RALGAPA1: variants seen among roughly 807,000 people sequenced by gnomAD.
The protein encoded by RALGAPA1 is ral GTPase-activating protein subunit alpha-1.
In RALGAPA1, 52 loss-of-function variants were observed where a neutral mutation model predicts 269.6. The observed-to-expected ratio is 0.19, with a 90% CI of 0.15 to 0.24. RALGAPA1 has a LOEUF of 0.24. RALGAPA1 is among the 10% of genes least tolerant of loss of function. The pLI is 1.00. For missense variants in RALGAPA1, 1,917 were observed against 3,013.9 expected, an observed-to-expected ratio of 0.64 and a Z score of 8.52; for synonymous variants, 817 against 1,008.3, an observed-to-expected ratio of 0.81 and a Z score of 3.60.
chr14:35,698,951 T>G (rs1347128474), intron 17 of RALGAPA1, among the ~76,000 whole-genome samples: 1 of 152,208 alleles, frequency 6.6e-6, no homozygotes, highest in East Asian at 1.9e-4. Context: ...CTATTAAAAT[T>G]TATATTATTA....
At chr14:35,650,312 G>C (rs1012432060) in intron 31 of RALGAPA1, among the ~76,000 whole-genome samples, 7 of 152,068 alleles carry the variant, frequency 4.6e-5, no homozygotes, top group Admixed American at 3.9e-4. Context: ...TTGAACCTGG[G>C]AGGCAGAGGT....
intron 22 of RALGAPA1, among the ~76,000 whole-genome samples, chr14:35,675,772 C>CAATA (rs1298350356): frequency 6.6e-6 from 1 of 151,942 alleles, no homozygotes; most frequent in African/African-American, 2.4e-5. Flanking sequence ...ATTAAAAAGA[C>CAATA]AATAAAGATA....
intron 16 of RALGAPA1, among the ~76,000 whole-genome samples, chr14:35,717,348 A>G (rs535304042): frequency 6.6e-6 from 1 of 152,216 alleles, no homozygotes; most frequent in South Asian, 2.1e-4. Flanking sequence ...ATGGGATTTC[A>G]CCATATTAGC....
chr14:35,784,408 C>A (rs1194409728), intron 1 of RALGAPA1, among the ~76,000 whole-genome samples: 1 of 152,130 alleles, frequency 6.6e-6, no homozygotes, highest in Non-Finnish European at 1.5e-5. Flanking sequence ...ATGAAACATG[C>A]AGAAGAGTCA....
chr14:35,702,652 C>G (rs1477482556), intron 16 of RALGAPA1, among the ~76,000 whole-genome samples: 4 of 150,616 alleles, frequency 2.7e-5, no homozygotes, highest in African/African-American at 7.3e-5. Context: ...AATACATATG[C>G]AAATCTTAAA....
At position 35,723,024 on chromosome 14, in the gene RALGAPA1, T is replaced by C. The variant is rs773021579; in HGVS notation, c.2104+3A>G. 1.2e-5 allele frequency: 19 copies of C among 1,585,252 alleles called. No individual in the cohort carries two copies. The highest frequency in any genetic ancestry group is 1.7e-4 in the Middle Eastern group (1 of 5,994). ...ATAGAGCATCTCTATGAACAATTCTTACCTTTCCCTTTGTGCTTTTTTTGT... is the reference window on the plus strand; with the variant it reads ...ATAGAGCATCTCTATGAACAATTCTCACCTTTCCCTTTGTGCTTTTTTTGT... On this transcript the variant is annotated splice_donor_region_variant and intron_variant, in intron 15 of 41. Coordinates refer to ENST00000680220, the MANE Select transcript of RALGAPA1 (RefSeq NM_001346249.2).
intron 39 of RALGAPA1, among the ~76,000 whole-genome samples, chr14:35,565,147 G>A (rs564895767): frequency 2.0e-4 from 30 of 151,916 alleles, no homozygotes; most frequent in African/African-American, 7.0e-4. Context: ...TAGTTAAACT[G>A]TAATAATTCA....
intron 39 of RALGAPA1, chr14:35,564,340 T>C (rs1185827600): frequency 1.3e-5 from 2 of 152,202 alleles, no homozygotes; most frequent in African/African-American, 4.8e-5. Context: ...TCTTCTAACG[T>C]GAAATGGCAA....
chr14:35,583,221 A>T (rs2058065429), intron 37 of RALGAPA1, among the ~76,000 whole-genome samples: 1 of 152,240 alleles, frequency 6.6e-6, no homozygotes. Flanking sequence ...ACAACATTTA[A>T]GAACAGATGG....
chr14:35,805,926 G>T (rs895973229), intron 1 of RALGAPA1, among the ~76,000 whole-genome samples: 3 of 151,906 alleles, frequency 2.0e-5, no homozygotes, highest in Non-Finnish European at 4.4e-5. Flanking sequence ...CTGACCTCGT[G>T]ATCCGCCCAC....
chr14:35,796,561 A>C (rs1276018372), intron 1 of RALGAPA1, among the ~76,000 whole-genome samples: 3 of 152,322 alleles, frequency 2.0e-5, no homozygotes, highest in African/African-American at 7.2e-5. Flanking sequence ...AAATATGAAA[A>C]ATAACTAACC....
At chr14:35,553,383 A>G (rs2055211832) in intron 39 of RALGAPA1, among the ~76,000 whole-genome samples, 1 of 152,218 alleles carries the variant, frequency 6.6e-6, no homozygotes, top group South Asian at 2.1e-4. Context: ...AGGACAAAAG[A>G]TACTGCAGAA....
intron 7 of RALGAPA1, 51 bp downstream of exon 7, chr14:35,756,742 T>C (rs1221186203): frequency 8.1e-7 from 1 of 1,230,604 alleles, no homozygotes; most frequent in Admixed American, 1.9e-5. Context: ...GAAAAGGGAA[T>C]CACCCACATA....
chr14:35,780,015 CAT>C (rs1450944849), intron 1 of RALGAPA1, among the ~76,000 whole-genome samples: 2 of 151,468 alleles, frequency 1.3e-5, no homozygotes, highest in African/African-American at 4.9e-5. Flanking sequence ...GCTGAAGCAG[CAT>C]AATCGCTTGA....
chr14:35,630,557 C>T (rs1334248204), intron 33 of RALGAPA1, among the ~76,000 whole-genome samples: 7 of 151,316 alleles, frequency 4.6e-5, no homozygotes, highest in African/African-American at 1.5e-4. Flanking sequence ...GCTGGGATTA[C>T]AAGTGTGAGT....
intron 27 of RALGAPA1, among the ~76,000 whole-genome samples, chr14:35,660,442 T>A (rs1009809707): frequency 1.4e-4 from 21 of 151,882 alleles, no homozygotes; most frequent in Admixed American, 1.4e-3. Context: ...GGAATACGTA[T>A]AACAAAAGAG....
chr14:35,667,397 AAAC>A (rs545535807), intron 26 of RALGAPA1, among the ~76,000 whole-genome samples: 37 of 152,166 alleles, frequency 2.4e-4, no homozygotes, highest in Admixed American at 6.5e-4. Flanking sequence ...ACTCCATCTC[AAAC>A]AACAACAACA....
intron 14 of RALGAPA1, 32 bp downstream of exon 14, chr14:35,724,992 C>G: frequency 6.5e-7 from 1 of 1,542,986 alleles, no homozygotes; most frequent in Non-Finnish European, 8.8e-7. Context: ...CATATCTATC[C>G]AGCTATTCAT....
At chr14:35,579,135 G>A (rs1436563476) in intron 37 of RALGAPA1, among the ~76,000 whole-genome samples, 1 of 152,174 alleles carries the variant, frequency 6.6e-6, no homozygotes, top group Non-Finnish European at 1.5e-5. Flanking sequence ...GCCTGATAAT[G>A]TGGAGAAAAA....
Sources: allele counts gnomAD v4.1 joint callset (sites outside exome capture counted in the v4.1 genomes callset), GRCh38; gene constraint gnomAD v4.1.1; transcripts MANE v1.5; gene names NCBI Gene and HGNC (gene_info 2026-07-23, HGNC 2026-07-21).